The following CDH23 variants were observed in gnomAD, a reference collection of about 807,000 sequenced individuals.
CDH23 encodes cadherin related 23.
In CDH23, 189 loss-of-function variants were observed where a neutral mutation model predicts 317.1. The observed-to-expected ratio is 0.60, with a 90% CI of 0.53 to 0.67. CDH23 has a LOEUF of 0.67. Ranked by LOEUF, CDH23 falls within the 30% of genes least tolerant of loss-of-function variation. CDH23 has a pLI of 0.00. For missense variants in CDH23, 4,401 were observed against 4,592.4 expected, an observed-to-expected ratio of 0.96 and a Z score of 1.20; for synonymous variants, 1,839 against 1,876.8, an observed-to-expected ratio of 0.98 and a Z score of 0.52.
At chr10:71,419,685 C>G (rs1423466798) in intron 1 of CDH23, among the ~76,000 whole-genome samples, 1 of 152,200 alleles carries the variant, frequency 6.6e-6, no homozygotes, top group Admixed American at 6.5e-5. Context: ...CTATTCACTT[C>G]CCATCCTTCC....
intron 2 of CDH23, among the ~76,000 whole-genome samples, chr10:71,444,601 G>A (rs1850068147): frequency 6.6e-6 from 1 of 152,228 alleles, no homozygotes; most frequent in South Asian, 2.1e-4. Context: ...GGCAGAATAA[G>A]GGACTAGAAA....
At chr10:71,604,394 ACCT>A (rs1860409902) in intron 9 of CDH23, among the ~76,000 whole-genome samples, 1 of 152,172 alleles carries the variant, frequency 6.6e-6, no homozygotes, top group Non-Finnish European at 1.5e-5. Context: ...AGTGCTGAGC[ACCT>A]CGTCTGCCAC....
At chr10:71,701,052 C>A (rs1865563948) in intron 22 of CDH23, among the ~76,000 whole-genome samples, 1 of 152,224 alleles carries the variant, frequency 6.6e-6, no homozygotes, top group African/African-American at 2.4e-5. Context: ...TCTCCCCCCA[C>A]CACCACTGAT....
chr10:71,475,815 C>T (rs1200904717), intron 3 of CDH23, among the ~76,000 whole-genome samples: 5 of 152,260 alleles, frequency 3.3e-5, no homozygotes, highest in Non-Finnish European at 5.9e-5. Context: ...GAGCAGGCCC[C>T]AGTTCCATGC....
chr10:71,639,626 G>C (rs926948906), intron 11 of CDH23, among the ~76,000 whole-genome samples: 8 of 152,176 alleles, frequency 5.3e-5, no homozygotes, highest in African/African-American at 1.7e-4. Context: ...CTGCTGTGTG[G>C]CTTGAACACT....
chr10:71,576,908 C>G (rs1478496792), intron 8 of CDH23, among the ~76,000 whole-genome samples: 3 of 152,178 alleles, frequency 2.0e-5, no homozygotes, highest in Non-Finnish European at 4.4e-5. Context: ...TTCGAATGTG[C>G]CAGTTGTATG....
chr10:71,415,349 A>G (rs1369791442), intron 1 of CDH23, among the ~76,000 whole-genome samples: 2 of 151,616 alleles, frequency 1.3e-5, no homozygotes, highest in East Asian at 3.9e-4. Context: ...TCCTTCCTCT[A>G]CCTCCTAAAC....
intron 6 of CDH23, among the ~76,000 whole-genome samples, chr10:71,514,520 C>T (rs745391669): frequency 1.3e-5 from 2 of 152,046 alleles, no homozygotes; most frequent in Non-Finnish European, 2.9e-5. Context: ...GGCATTGCCC[C>T]GCTGCCTGCC....
intron 3 of CDH23, among the ~76,000 whole-genome samples, chr10:71,507,260 A>G (rs1853694159): frequency 6.6e-6 from 1 of 152,218 alleles, no homozygotes; most frequent in South Asian, 2.1e-4. Flanking sequence ...AGGCTTTGGG[A>G]GGTAACTCAG....
At chr10:71,677,343 A>T (rs1342378449) in intron 15 of CDH23, 113 bp from the exon 16 acceptor site, 4 of 827,254 alleles carry the variant, frequency 4.8e-6, no homozygotes, top group Non-Finnish European at 7.6e-6. Flanking sequence ...TTCAGACTTC[A>T]TTTGTTTCTG....
chr10:71,483,687 T>G (rs1232043277), intron 3 of CDH23, among the ~76,000 whole-genome samples: 1 of 152,210 alleles, frequency 6.6e-6, no homozygotes. Flanking sequence ...TTTAGGTGCA[T>G]CAGCTGATTT....
chr10:71,752,571 T>C (rs1251447171), intron 38 of CDH23, among the ~76,000 whole-genome samples: 1 of 152,172 alleles, frequency 6.6e-6, no homozygotes, highest in South Asian at 2.1e-4. Flanking sequence ...GCCTCTGCCC[T>C]TGTGGCCTGC....
intron 3 of CDH23, among the ~76,000 whole-genome samples, chr10:71,448,066 G>A (rs1850256278): frequency 6.6e-6 from 1 of 152,242 alleles, no homozygotes; most frequent in Admixed American, 6.5e-5. Context: ...GTCACTAACT[G>A]ACCCTGCTGC....
At chr10:71,457,475 C>T (rs778482276) in intron 3 of CDH23, among the ~76,000 whole-genome samples, 2 of 151,528 alleles carry the variant, frequency 1.3e-5, no homozygotes, top group African/African-American at 4.9e-5. Context: ...ACACTCTTAC[C>T]GCCCTGCAAT....
intron 6 of CDH23, among the ~76,000 whole-genome samples, chr10:71,515,357 T>TTCTCTCTCTCTCTCTCTCTCTCTCTC (rs3059687): frequency 1.6e-5 from 2 of 126,190 alleles, no homozygotes; most frequent in East Asian, 2.4e-4. Flanking sequence ...ACCTGTCTGT[T>TTCTCTCTCTCTCTCTCTCTCTCTCTC]TCTCTCTCTC....
At chr10:71,670,638 AG>A (rs1361535821) in intron 14 of CDH23, among the ~76,000 whole-genome samples, 4 of 152,216 alleles carry the variant, frequency 2.6e-5, no homozygotes, top group African/African-American at 9.6e-5. Flanking sequence ...GGGGTGTACC[AG>A]GGAAGAGGTA....
intron 1 of CDH23, among the ~76,000 whole-genome samples, chr10:71,407,372 C>T (rs1441237744): frequency 6.6e-6 from 1 of 152,202 alleles, no homozygotes; most frequent in Non-Finnish European, 1.5e-5. Context: ...GTTGAATGTT[C>T]AGGCGCCTCC....
intron 3 of CDH23, among the ~76,000 whole-genome samples, chr10:71,501,397 G>C (rs1357532030): frequency 6.6e-6 from 1 of 152,186 alleles, no homozygotes; most frequent in Admixed American, 6.5e-5. Flanking sequence ...TGGCCTGTGG[G>C]CTTTGAAGGT....
At chr10:71,441,060 C>T (rs1188368219) in intron 2 of CDH23, among the ~76,000 whole-genome samples, 2 of 152,090 alleles carry the variant, frequency 1.3e-5, no homozygotes, top group African/African-American at 4.8e-5. Context: ...ATCCAGGCAG[C>T]CCAGGAGTAC....
Sources: allele counts gnomAD v4.1 joint callset (sites outside exome capture counted in the v4.1 genomes callset), GRCh38; gene constraint gnomAD v4.1.1; transcripts MANE v1.5; gene names NCBI Gene and HGNC (gene_info 2026-07-23, HGNC 2026-07-21).